TRHDE: variants seen among roughly 807,000 people sequenced by gnomAD.
TRHDE encodes thyrotropin releasing hormone degrading enzyme.
Under a neutral mutation model 125.7 loss-of-function variants are expected in TRHDE, and 72 were observed. The ratio of observed to expected loss-of-function variants is 0.57; its 90% CI spans 0.47 to 0.70. The LOEUF is 0.70. Among genes scored for constraint, TRHDE ranks in the 30% least tolerant of loss-of-function variants. The pLI is 0.00. For missense variants in TRHDE, 1,110 were observed against 1,327.1 expected (o/e 0.84, Z 2.54); for synonymous variants, 509 against 509.1 (o/e 1.00, Z 0.00).
At chr12:72,233,516 A>G (rs1052569566) in intron 2 of TRHDE, among the ~76,000 whole-genome samples, 5 of 152,174 alleles carry the variant, frequency 3.3e-5, no homozygotes, top group African/African-American at 1.2e-4. Flanking sequence ...AAGCATTAAA[A>G]AAGTATAATA....
chr12:72,530,174 C>T (rs1868469710), intron 6 of TRHDE, among the ~76,000 whole-genome samples: 1 of 152,084 alleles, frequency 6.6e-6, no homozygotes, highest in Non-Finnish European at 1.5e-5. Flanking sequence ...TTACTCCACC[C>T]AGACTATTTT....
At chr12:72,541,651 A>G (rs1181218530) in intron 6 of TRHDE, among the ~76,000 whole-genome samples, 2 of 151,430 alleles carry the variant, frequency 1.3e-5, no homozygotes, top group Non-Finnish European at 3.0e-5. Flanking sequence ...ACTGCTTTAC[A>G]TGTATTGAGT....
chr12:72,269,855 CCTT>C (rs1879155661), upstream of TRHDE, among the ~76,000 whole-genome samples: 1 of 152,118 alleles, frequency 6.6e-6, no homozygotes, highest in Non-Finnish European at 1.5e-5. Flanking sequence ...ACAGAAAAAG[CCTT>C]CTTTGAATCT....
At chr12:72,407,713 G>C (rs1387033849) in intron 3 of TRHDE, among the ~76,000 whole-genome samples, 1 of 152,224 alleles carries the variant, frequency 6.6e-6, no homozygotes, top group Non-Finnish European at 1.5e-5. Context: ...TTTGTCAAAT[G>C]AGTTAAACTT....
intron 2 of TRHDE, among the ~76,000 whole-genome samples, chr12:72,315,033 G>A (rs1031806117): frequency 9.9e-5 from 15 of 152,062 alleles, no homozygotes; most frequent in African/African-American, 3.6e-4. Flanking sequence ...AATTGTTTAG[G>A]CAGATATATC....
At chr12:72,364,408 A>G (rs1188677028) in intron 2 of TRHDE, among the ~76,000 whole-genome samples, 4 of 152,132 alleles carry the variant, frequency 2.6e-5, no homozygotes, top group African/African-American at 9.6e-5. Flanking sequence ...ATCCCCTTTG[A>G]AAACTTATTA....
At chr12:72,184,079 G>C (rs534005062) in intron 2 of TRHDE, among the ~76,000 whole-genome samples, 63 of 152,142 alleles carry the variant, frequency 4.1e-4, no homozygotes, top group Non-Finnish European at 6.0e-4. Context: ...CACAAATGTA[G>C]GCAAGTAGGG....
At chr12:72,195,644 T>C (rs1408714188) in intron 2 of TRHDE, among the ~76,000 whole-genome samples, 1 of 152,198 alleles carries the variant, frequency 6.6e-6, no homozygotes, top group Non-Finnish European at 1.5e-5. Flanking sequence ...TATTAAACTT[T>C]TGTCAGATTC....
At chr12:72,647,618 A>T (rs1341743531) in intron 15 of TRHDE, among the ~76,000 whole-genome samples, 1 of 152,064 alleles carries the variant, frequency 6.6e-6, no homozygotes, top group Non-Finnish European at 1.5e-5. Flanking sequence ...CACAGACATA[A>T]AGAGGATCAA....
At chr12:72,476,571 A>G (rs1013395185) in intron 5 of TRHDE, among the ~76,000 whole-genome samples, 1 of 152,162 alleles carries the variant, frequency 6.6e-6, no homozygotes, top group Non-Finnish European at 1.5e-5. Context: ...GGTTCACTAC[A>G]CCTGAGCCTG....
At chr12:72,308,796 T>C (rs1282576594) in intron 2 of TRHDE, among the ~76,000 whole-genome samples, 2 of 152,240 alleles carry the variant, frequency 1.3e-5, no homozygotes, top group Non-Finnish European at 1.5e-5. Context: ...TGGTATGATA[T>C]GAAGTTATAC....
intron 2 of TRHDE, among the ~76,000 whole-genome samples, chr12:72,330,421 C>T (rs1869539771): frequency 1.3e-5 from 2 of 151,922 alleles, no homozygotes; most frequent in Non-Finnish European, 1.5e-5. Flanking sequence ...AGGGATGTTA[C>T]GTGAGGGAGC....
chr12:72,459,811 T>C (rs1019962838), intron 3 of TRHDE, among the ~76,000 whole-genome samples: 1 of 152,118 alleles, frequency 6.6e-6, no homozygotes, highest in African/African-American at 2.4e-5. Flanking sequence ...AGGAACAATG[T>C]CTGACTATGT....
At chr12:72,325,423 GT>G (rs1869293107) in intron 2 of TRHDE, among the ~76,000 whole-genome samples, 1 of 152,004 alleles carries the variant, frequency 6.6e-6, no homozygotes, top group African/African-American at 2.4e-5. Context: ...GAACAGTTCT[GT>G]TTACCAAACA....
chr12:72,495,060 G>A (rs375936685), intron 5 of TRHDE, among the ~76,000 whole-genome samples: 6 of 58,390 alleles, frequency 1.0e-4, no homozygotes, highest in African/African-American at 3.7e-4. Flanking sequence ...TTCCTCCCCC[G>A]TTTTTTTTTT....
intron 2 of TRHDE, among the ~76,000 whole-genome samples, chr12:72,346,430 G>C (rs1870330541): frequency 6.6e-6 from 1 of 151,950 alleles, no homozygotes; most frequent in Non-Finnish European, 1.5e-5. Context: ...TACCAACTTT[G>C]CCAACATAGA....
rs146265038 is a variant in TRHDE, at chr12:72,166,641, G to A, written n.279+60889G>A. ...AGGCTTGTGCAGGTTCCTCTGATGC[G>A]CTCCATTCTTCCTTTAACCCACACC... On this transcript the variant is annotated intron_variant and non_coding_transcript_variant, in intron 2 of 4. Transcript: ENST00000548156. Among the ~76,000 whole-genome samples the A allele has an allele frequency of 5.3e-3, 810 of 152,180 alleles. 8 individuals carry two copies. The highest frequency in any genetic ancestry group is 0.018 in the African/African-American group (743 of 41,514).
chr12:72,534,167 GTTAGT>G (rs1312233804), intron 6 of TRHDE, among the ~76,000 whole-genome samples: 1 of 152,132 alleles, frequency 6.6e-6, no homozygotes, highest in African/African-American at 2.4e-5. Flanking sequence ...TATGCCAACG[GTTAGT>G]TTAAATAATC....
intron 5 of TRHDE, among the ~76,000 whole-genome samples, chr12:72,483,612 C>T (rs1045514039): frequency 5.3e-5 from 8 of 151,858 alleles, no homozygotes; most frequent in Admixed American, 3.9e-4. Flanking sequence ...ACTAATTATA[C>T]AATCAGTTTA....
Sources: allele counts gnomAD v4.1 joint callset (sites outside exome capture counted in the v4.1 genomes callset), GRCh38; gene constraint gnomAD v4.1.1; transcripts MANE v1.5; gene names NCBI Gene and HGNC (gene_info 2026-07-23, HGNC 2026-07-21).